Variants in EIF2B3 observed in about 807,000 individuals in gnomAD.
The protein encoded by EIF2B3 is eukaryotic translation initiation factor 2B subunit gamma, also known as translation initiation factor eIF2B subunit gamma.
Under a neutral mutation model 54.1 loss-of-function variants are expected in EIF2B3, and 20 were observed. The observed-to-expected ratio is 0.37, with a 90% CI of 0.26 to 0.54. The LOEUF is 0.54. EIF2B3 is among the 20% of genes least tolerant of loss of function. The pLI is 0.86. For missense variants in EIF2B3, 448 were observed against 547.8 expected, an observed-to-expected ratio of 0.82 and a Z score of 1.82; for synonymous variants, 153 against 188.1, an observed-to-expected ratio of 0.81 and a Z score of 1.52.
chr1:44,908,852 G>A (rs760350509), intron 5 of EIF2B3, among the ~76,000 whole-genome samples: 2 of 152,128 alleles, frequency 1.3e-5, no homozygotes, highest in Non-Finnish European at 2.9e-5. Context: ...GAAAGGAATC[G>A]AAGGTGGGTC....
chr1:44,943,565 G>A (rs1380981787), intron 3 of EIF2B3, among the ~76,000 whole-genome samples: 7 of 151,414 alleles, frequency 4.6e-5, no homozygotes, highest in East Asian at 2.0e-4. Flanking sequence ...GACTACAGGC[G>A]TGCCCCACCA....
intron 3 of EIF2B3, among the ~76,000 whole-genome samples, chr1:44,963,034 GCACCATGGCAAAACCCCAT>G (rs1007739501): frequency 6.5e-4 from 99 of 152,016 alleles, no homozygotes; most frequent in Non-Finnish European, 1.3e-3. Context: ...TCGAGCCTGG[GCACCATGGCAAAACCCCAT>G]CTCTTCAAAA....
chr1:44,904,325 T>G (rs1168965921), intron 5 of EIF2B3, among the ~76,000 whole-genome samples: 1 of 152,228 alleles, frequency 6.6e-6, no homozygotes, highest in African/African-American at 2.4e-5. Context: ...GGAAGTGTCA[T>G]GGATGGCTTC....
intron 3 of EIF2B3, among the ~76,000 whole-genome samples, chr1:44,943,715 CG>C (rs2148943986): frequency 1.3e-5 from 2 of 152,250 alleles, no homozygotes; most frequent in East Asian, 3.9e-4. Context: ...TGAGCCACCG[CG>C]CCTAGCCCAG....
At chr1:44,867,714 G>A (rs1654826039) in intron 10 of EIF2B3, among the ~76,000 whole-genome samples, 1 of 152,068 alleles carries the variant, frequency 6.6e-6, no homozygotes, top group African/African-American at 2.4e-5. Context: ...TAGGATGTCT[G>A]ATCTTATCAG....
chr1:44,922,969 C>T (rs1643782662), intron 5 of EIF2B3, among the ~76,000 whole-genome samples: 1 of 150,914 alleles, frequency 6.6e-6, no homozygotes, highest in Middle Eastern at 3.4e-3. Flanking sequence ...CGTTAGCCTC[C>T]CAAGTAGCTG....
chr1:44,891,106 A>T (rs1248281178), intron 6 of EIF2B3, among the ~76,000 whole-genome samples: 1 of 151,998 alleles, frequency 6.6e-6, no homozygotes, highest in African/African-American at 2.4e-5. Flanking sequence ...TTAAATTTTT[A>T]AATTTTTTTA....
At chr1:44,974,927 A>G (rs1644437781) in intron 3 of EIF2B3, among the ~76,000 whole-genome samples, 1 of 152,062 alleles carries the variant, frequency 6.6e-6, no homozygotes, top group Non-Finnish European at 1.5e-5. Flanking sequence ...CAAAATTTCT[A>G]CATTGGGCTG....
intron 6 of EIF2B3, among the ~76,000 whole-genome samples, chr1:44,889,087 C>T (rs1281967522): frequency 1.3e-5 from 2 of 152,150 alleles, no homozygotes; most frequent in Non-Finnish European, 2.9e-5. Flanking sequence ...ATCTGTGTGA[C>T]CTTTACTGTT....
At chr1:44,928,166 C>T (rs566007931) in intron 4 of EIF2B3, among the ~76,000 whole-genome samples, 4 of 150,690 alleles carry the variant, frequency 2.7e-5, no homozygotes, top group South Asian at 2.1e-4. Flanking sequence ...ATAAATAGGC[C>T]GGGCATGGTG....
chr1:44,937,680 G>A (rs889079454), intron 4 of EIF2B3, among the ~76,000 whole-genome samples: 3 of 151,486 alleles, frequency 2.0e-5, no homozygotes, highest in South Asian at 4.2e-4. Context: ...TCAGGAGATC[G>A]AGACCATCCT....
rs907780788 is a variant in EIF2B3 at position 44,881,176 on chromosome 1, T to A, written c.784+436A>T. 3.9e-4 allele frequency among the ~76,000 whole-genome samples: 60 copies of A among 152,302 alleles called. 1 individual carries two copies. Among genetic ancestry groups the A allele is most frequent in the African/African-American group, 1.4e-3 (57 of 41,568 alleles). ...AAACAAGACAGATCCGATCTTCAGA[T>A]CCTGGCACGGAGACACCTGGGTTGG... On this transcript the variant is annotated intron_variant, in intron 7 of 11. Transcript: ENST00000360403. This position sits in a 1 kb window ranked among gnomAD's most constrained non-coding sequence, Gnocchi z 4.0.
At chr1:44,977,646 G>A (rs1644466586) in intron 3 of EIF2B3, among the ~76,000 whole-genome samples, 1 of 151,984 alleles carries the variant, frequency 6.6e-6, no homozygotes, top group Non-Finnish European at 1.5e-5. Flanking sequence ...TGTCTTTTTA[G>A]TAGAGACAGG....
Position 44,881,774 on chromosome 1 carries a change from G to C in EIF2B3, c.657-35C>G. On this transcript the variant is annotated intron_variant, in intron 6 of 11. Coordinates refer to ENST00000360403, the MANE Select transcript of EIF2B3 (RefSeq NM_020365.5). The surrounding 1 kb of genome is among the most constrained non-coding windows in gnomAD (Gnocchi z 4.0). ...AAGAATGGCCAAATATGAGAAACCTGACTGTCTGGAACATACCCGGATCAA... is the reference window on the plus strand; with the variant it reads ...AAGAATGGCCAAATATGAGAAACCTCACTGTCTGGAACATACCCGGATCAA... 6.2e-7 allele frequency: 1 copy of C among 1,612,372 alleles called. No homozygotes were observed. Among genetic ancestry groups the C allele is most frequent in the Non-Finnish European group, 8.5e-7 (1 of 1,179,110 alleles).
In EIF2B3 at chr1:44,941,663, T is replaced by C. The variant is rs776548044; in HGVS notation, c.297A>G (p.Thr99=). The change falls in exon 4 of 12, where the codon ACA becomes ACG. Residue 99 remains threonine (T), a splice_region_variant and synonymous_variant. Coordinates refer to ENST00000360403, the MANE Select transcript of EIF2B3 (RefSeq NM_020365.5). Reference sequence around the variant, plus strand: ...GATCACAGCTCAGCACCAGCACATCTGTCTGTTAAATGGAGATGGGAAAAG... The same window carrying C: ...GATCACAGCTCAGCACCAGCACATCCGTCTGTTAAATGGAGATGGGAAAAG... ...SLRYIYPKLK[T]DVLVLSCDLI... is the part of the protein sequence containing the mutation. 1 of 1,614,184 alleles carries C rather than the reference T, an allele frequency of 6.2e-7. No individual in the cohort carries two copies. The highest frequency in any genetic ancestry group is 8.5e-7 in the Non-Finnish European group (1 of 1,180,022).
chr1:44,928,313 G>A (rs1643870762), intron 4 of EIF2B3, among the ~76,000 whole-genome samples: 1 of 151,974 alleles, frequency 6.6e-6, no homozygotes. Context: ...CGAGTGTGGT[G>A]GCAGGCGCCT....
chr1:44,949,731 A>T (rs1425738417), intron 3 of EIF2B3, among the ~76,000 whole-genome samples: 1 of 152,242 alleles, frequency 6.6e-6, no homozygotes, highest in Non-Finnish European at 1.5e-5. Flanking sequence ...GCTGTCCTGG[A>T]GGGCACGGCT....
intron 3 of EIF2B3, among the ~76,000 whole-genome samples, chr1:44,974,494 A>T: frequency 6.6e-6 from 1 of 151,138 alleles, no homozygotes; most frequent in East Asian, 1.9e-4. Flanking sequence ...AAAAGAAAAA[A>T]AAAGAAATTA....
intron 3 of EIF2B3, among the ~76,000 whole-genome samples, chr1:44,946,110 G>A (rs72885265): frequency 0.076 from 11,608 of 152,126 alleles, 1,509 homozygotes; most frequent in African/African-American, 0.27. Context: ...ATGACTTTTT[G>A]CTAAACTGAA....
Sources: allele counts gnomAD v4.1 joint callset (sites outside exome capture counted in the v4.1 genomes callset), GRCh38; gene constraint gnomAD v4.1.1; non-coding constraint Gnocchi (gnomAD v3.1); transcripts MANE v1.5; gene names NCBI Gene and HGNC (gene_info 2026-07-23, HGNC 2026-07-21).